UGGT2: variants seen among roughly 807,000 people sequenced by gnomAD.
UGGT2 encodes UDP-glucose glycoprotein glucosyltransferase 2, also known as UDP-glucose:glycoprotein glucosyltransferase 2.
Under a neutral mutation model 192.1 loss-of-function variants are expected in UGGT2, and 180 were observed. That is an observed-to-expected ratio of 0.94 (90% confidence interval 0.83 to 1.06). The LOEUF (loss-of-function observed/expected upper bound fraction) is 1.06, where lower values mean the gene tolerates loss of function less well. Ranked by LOEUF, UGGT2 falls within the 50% of genes least tolerant of loss-of-function variation. UGGT2 has a pLI of 0.00. For missense variants in UGGT2, 1,849 were observed against 1,795.7 expected, an observed-to-expected ratio of 1.03 and a Z score of -0.54; for synonymous variants, 580 against 591.0, an observed-to-expected ratio of 0.98 and a Z score of 0.27.
In UGGT2 at chr13:95,833,024, T is replaced by C; in HGVS notation, c.4431A>G (p.Lys1477=). ...GGACAATTCTGGCAGCAGCTTTTAG[T>C]TTGGATTCTTTTGTTTTGGGATTAT... ...LCNNPKTKES[K]LKAAARIVPE... is the part of the protein sequence containing the mutation. Residue 1477 remains lysine, a synonymous_variant, in exon 38 of 39, where the codon AAA becomes AAG. Coordinates refer to ENST00000376747, the MANE Select transcript of UGGT2 (RefSeq NM_020121.4). The C allele has an allele frequency of 6.2e-7, 1 of 1,612,506 alleles. No homozygotes were observed. The highest frequency in any genetic ancestry group is 1.7e-4 in the Middle Eastern group (1 of 6,046).
chr13:95,856,326 G>A lies in UGGT2; in HGVS notation c.3840C>T (p.His1280=), dbSNP rs202165826. The A allele has an allele frequency of 3.1e-6, 5 of 1,603,320 alleles. No homozygotes were observed. The South Asian group carries it at 4.5e-5, about 15-fold the overall frequency. The change falls in exon 34 of 39, where the codon CAC becomes CAT. Residue 1280 remains histidine (H), a synonymous_variant. Coordinates refer to ENST00000376747, the MANE Select transcript of UGGT2 (RefSeq NM_020121.4). ...ATCGGAATCCATACTCTTTAGCCAT[G>A]TGAGGAATTACTTCCTAAAAACACA... is the stretch of plus-strand genomic sequence containing the variant. ...LSPTFKEVIP[H]MAKEYGFRYE... is the part of the protein sequence containing the mutation.
intron 22 of UGGT2, among the ~76,000 whole-genome samples, chr13:95,896,605 T>C (rs7335209): frequency 0.82 from 124,486 of 151,936 alleles, 51,238 homozygotes; most frequent in East Asian, 0.93. Flanking sequence ...AAAGTATTGT[T>C]TTAAGGGGTT....
intron 5 of UGGT2, among the ~76,000 whole-genome samples, chr13:96,010,730 T>C (rs7332461): frequency 0.052 from 7,909 of 152,244 alleles, 363 homozygotes; most frequent in East Asian, 0.15. Context: ...GTAATCTCAA[T>C]CAAAATGCCA....
At chr13:96,041,105 C>T (rs1490393015) in intron 1 of UGGT2, among the ~76,000 whole-genome samples, 4 of 152,142 alleles carry the variant, frequency 2.6e-5, no homozygotes, top group African/African-American at 9.7e-5. Flanking sequence ...CCAAGAGAAC[C>T]CACAGACCCT....
chr13:95,971,797 A>T (rs1566777876), intron 11 of UGGT2, among the ~76,000 whole-genome samples: 1 of 152,192 alleles, frequency 6.6e-6, no homozygotes, highest in Non-Finnish European at 1.5e-5. Context: ...ATTTGAGATA[A>T]AACTGTAAAA....
intron 4 of UGGT2, among the ~76,000 whole-genome samples, chr13:96,021,407 T>G (rs1231614203): frequency 6.6e-6 from 1 of 152,206 alleles, no homozygotes; most frequent in African/African-American, 2.4e-5. Flanking sequence ...AAAGATGCAC[T>G]AGTGAGTTAT....
chr13:96,018,333 T>C (rs565795101), intron 4 of UGGT2, among the ~76,000 whole-genome samples: 8 of 152,042 alleles, frequency 5.3e-5, no homozygotes, highest in South Asian at 2.1e-4. Flanking sequence ...CTGGGCAACA[T>C]AGCAAGACCC....
At chr13:95,970,633 T>TA (rs1158322011) in intron 11 of UGGT2, among the ~76,000 whole-genome samples, 2 of 152,112 alleles carry the variant, frequency 1.3e-5, no homozygotes, top group Non-Finnish European at 2.9e-5. Flanking sequence ...GAACAAGACA[T>TA]AAAGTATAAA....
At chr13:95,808,981 T>A (rs554559979) in intron 38 of UGGT2, among the ~76,000 whole-genome samples, 2 of 152,344 alleles carry the variant, frequency 1.3e-5, no homozygotes, top group African/African-American at 4.8e-5. Flanking sequence ...TATTGCTGTT[T>A]AGTATGCTTT....
At chr13:95,988,630 T>C (rs1205679465) in intron 8 of UGGT2, among the ~76,000 whole-genome samples, 2 of 152,124 alleles carry the variant, frequency 1.3e-5, no homozygotes, top group Non-Finnish European at 2.9e-5. Flanking sequence ...GATTTTTCTA[T>C]TGATATATTG....
At chr13:95,913,241 A>T (rs867157417) in intron 20 of UGGT2, among the ~76,000 whole-genome samples, 4 of 152,212 alleles carry the variant, frequency 2.6e-5, no homozygotes, top group Admixed American at 6.5e-5. Flanking sequence ...GACAAATGGG[A>T]TCTAATTAAA....
intron 15 of UGGT2, among the ~76,000 whole-genome samples, chr13:95,941,808 C>T (rs927318289): frequency 6.6e-6 from 1 of 152,140 alleles, no homozygotes. Context: ...GAATAAACCA[C>T]GTAACATAAG....
Position 95,999,305 on chromosome 13 carries a change from T to C in UGGT2, c.663A>G (p.Lys221=). ...ILYVLRHYIQ[K]PSSRKMYLSG... Reference sequence around the variant, plus strand: ...ATAAGTACATTTTCCGTGAGCTTGGTTTCTGTTCAAACACATTTATTTTAT... The same window carrying C: ...ATAAGTACATTTTCCGTGAGCTTGGCTTCTGTTCAAACACATTTATTTTAT... Residue 221 remains lysine, a splice_region_variant and synonymous_variant, in exon 6 of 39, where the codon AAA becomes AAG. Coordinates refer to ENST00000376747, the MANE Select transcript of UGGT2 (RefSeq NM_020121.4). 2 of 1,613,342 alleles carry C rather than the reference T, an allele frequency of 1.2e-6. No homozygotes were observed. The highest frequency in any genetic ancestry group is 1.7e-6 in the Non-Finnish European group (2 of 1,179,532).
chr13:96,013,998 C>G (rs1455783147), intron 4 of UGGT2, among the ~76,000 whole-genome samples: 1 of 152,084 alleles, frequency 6.6e-6, no homozygotes, highest in Non-Finnish European at 1.5e-5. Flanking sequence ...ATTTGCCAGG[C>G]ACTGTGCTAG....
In UGGT2 at chr13:95,832,971, A is replaced by G; in HGVS notation, c.4484T>C (p.Ile1495Thr). Residue 1495 changes from isoleucine to threonine, a missense_variant, in exon 38 of 39, where the codon ATA becomes ACA. Coordinates refer to ENST00000376747, the MANE Select transcript of UGGT2 (RefSeq NM_020121.4). ...TTCAAGATGATCTAATAGTTGTCTT[A>G]TCTCAGCATCATACTCCACCCATTC... is the stretch of plus-strand genomic sequence containing the variant. The part of the protein sequence containing the change: ...VPEWVEYDAE[I>T]RQLLDHLENK... 2 of 1,612,924 alleles carry G rather than the reference A, an allele frequency of 1.2e-6. No individual in the cohort carries two copies. The highest frequency in any genetic ancestry group is 1.7e-6 in the Non-Finnish European group (2 of 1,179,220).
At chr13:95,921,067 A>C (rs372897154) in intron 20 of UGGT2, among the ~76,000 whole-genome samples, 1 of 152,186 alleles carries the variant, frequency 6.6e-6, no homozygotes, top group Non-Finnish European at 1.5e-5. Context: ...GTTGGAAGCC[A>C]TTATCCTCAG....
intron 11 of UGGT2, among the ~76,000 whole-genome samples, chr13:95,970,861 G>A (rs980168264): frequency 3.3e-5 from 5 of 152,154 alleles, no homozygotes; most frequent in Non-Finnish European, 7.3e-5. Context: ...ACTATTCAGA[G>A]GCAAAAATAT....
At chr13:96,016,857 G>A (rs1300353691) in intron 4 of UGGT2, among the ~76,000 whole-genome samples, 1 of 152,194 alleles carries the variant, frequency 6.6e-6, no homozygotes, top group Non-Finnish European at 1.5e-5. Context: ...GGAAAACCCA[G>A]AGGTACTCAA....
intron 1 of UGGT2, among the ~76,000 whole-genome samples, chr13:96,036,579 A>T (rs2053010101): frequency 6.6e-6 from 1 of 151,942 alleles, no homozygotes. Context: ...AAAAAAAAAA[A>T]GTATTCACTT....
Sources: gnomAD v4.1 joint callset for allele counts (sites outside exome capture counted in the v4.1 genomes callset) on GRCh38, gnomAD v4.1.1 for gene constraint, MANE v1.5 for transcripts, NCBI Gene and HGNC (gene_info 2026-07-23, HGNC 2026-07-21) for gene names.